Variants in USP34 observed in about 807,000 individuals in gnomAD.
USP34 encodes the protein ubiquitin specific peptidase 34, also known as ubiquitin carboxyl-terminal hydrolase 34.
Under a neutral mutation model 460.3 loss-of-function variants are expected in USP34, and 70 were observed. That is an observed-to-expected ratio of 0.15 (90% CI 0.13 to 0.19). The LOEUF is 0.19. Ranked by LOEUF, USP34 falls within the 10% of genes least tolerant of loss-of-function variation. USP34 has a pLI of 1.00. For missense variants in USP34, 3,985 were observed against 4,236.2 expected, an observed-to-expected ratio of 0.94 and a Z score of 1.65; for synonymous variants, 1,647 against 1,405.3, an observed-to-expected ratio of 1.17 and a Z score of -3.85.
chr2:61,377,574 C>T (rs1256294974), intron 8 of USP34, among the ~76,000 whole-genome samples: 2 of 152,234 alleles, frequency 1.3e-5, no homozygotes, highest in East Asian at 3.9e-4. Flanking sequence ...CCAGAGACCT[C>T]TCTACCTCTT....
At chr2:61,373,489 G>A (rs1017841628) in intron 8 of USP34, among the ~76,000 whole-genome samples, 27 of 151,224 alleles carry the variant, frequency 1.8e-4, no homozygotes, top group African/African-American at 5.3e-4. Context: ...CTTAAGAAAG[G>A]TTCAGTGGTT....
At chr2:61,444,890 T>G (rs1175918432) in intron 1 of USP34, among the ~76,000 whole-genome samples, 1 of 149,424 alleles carries the variant, frequency 6.7e-6, no homozygotes, top group Non-Finnish European at 1.5e-5. Flanking sequence ...TATCGTTTCT[T>G]TCTTGCCTAT....
intron 41 of USP34, among the ~76,000 whole-genome samples, chr2:61,269,187 G>A (rs1377473165): frequency 6.6e-6 from 1 of 152,054 alleles, no homozygotes; most frequent in Non-Finnish European, 1.5e-5. Context: ...GTTTGGAGAC[G>A]ATCTCACTCT....
Position 61,293,023 on chromosome 2 carries a change from C to G in USP34, c.4548+441G>C, listed in dbSNP as rs143103628. Among the ~76,000 whole-genome samples the G allele has an allele frequency of 6.6e-3, 1,000 of 152,092 alleles. 13 individuals are homozygous for G. The highest frequency in any genetic ancestry group is 0.01 in the Non-Finnish European group (705 of 67,978). On this transcript the variant is annotated intron_variant, in intron 33 of 79. Transcript: ENST00000398571. ...ATTTCTAGAGGCTTACTCTCAATTT[C>G]TATATCCATCTCAATGTAAGCCAGT... is the stretch of plus-strand genomic sequence containing the variant.
chr2:61,232,385 T>C (rs1687932376), intron 58 of USP34, 67 bp downstream of exon 58: 1 of 1,298,108 alleles, frequency 7.7e-7, no homozygotes. Flanking sequence ...TATAAGCAAA[T>C]TGAGAATAAT....
chr2:61,243,318 T>C (rs1470960520), intron 51 of USP34, among the ~76,000 whole-genome samples: 1 of 151,964 alleles, frequency 6.6e-6, no homozygotes, highest in Non-Finnish European at 1.5e-5. Context: ...GGCTAATTTT[T>C]ACATTTTTAG....
chr2:61,278,983 TC>T (rs1224684439), intron 39 of USP34, among the ~76,000 whole-genome samples: 4 of 152,118 alleles, frequency 2.6e-5, no homozygotes, highest in Middle Eastern at 3.2e-3. Flanking sequence ...AAAACAGACT[TC>T]ACAAAATCTA....
intron 41 of USP34, among the ~76,000 whole-genome samples, chr2:61,269,323 A>AT (rs397869885): frequency 0.078 from 10,566 of 134,900 alleles, 519 homozygotes; most frequent in Middle Eastern, 0.11. Flanking sequence ...ACCTTGGCTA[A>AT]TTTTTTTTTT....
chr2:61,253,187 C>T (rs912994443), intron 48 of USP34, among the ~76,000 whole-genome samples: 21 of 152,180 alleles, frequency 1.4e-4, no homozygotes, highest in African/African-American at 5.1e-4. Context: ...ATAGTAAGAA[C>T]AAAAATGACT....
chr2:61,236,571 G>A (rs890065041), intron 53 of USP34, among the ~76,000 whole-genome samples, 182 bp from the exon 54 acceptor site: 1 of 151,980 alleles, frequency 6.6e-6, no homozygotes, highest in African/African-American at 2.4e-5. Context: ...CTAATATTTT[G>A]TAATTATTAA....
chr2:61,407,891 G>T (rs1418006083), intron 2 of USP34, among the ~76,000 whole-genome samples: 1 of 152,100 alleles, frequency 6.6e-6, no homozygotes, highest in East Asian at 1.9e-4. Context: ...GAGGTGCATG[G>T]ATCACCTGAA....
At chr2:61,352,043 G>C (rs766552607) in intron 10 of USP34, among the ~76,000 whole-genome samples, 1 of 152,102 alleles carries the variant, frequency 6.6e-6, no homozygotes, top group East Asian at 1.9e-4. Context: ...TCAGGTTTTG[G>C]ATTTTTCCAC....
intron 1 of USP34, among the ~76,000 whole-genome samples, chr2:61,436,517 A>T (rs1184917544): frequency 6.6e-6 from 1 of 152,212 alleles, no homozygotes; most frequent in African/African-American, 2.4e-5. Flanking sequence ...AAGAATTGTA[A>T]ATACACACGC....
chr2:61,364,901 G>C (rs1471159282), intron 10 of USP34, among the ~76,000 whole-genome samples: 1 of 151,954 alleles, frequency 6.6e-6, no homozygotes, highest in South Asian at 2.1e-4. Context: ...CTGTACTCCA[G>C]CCTGGGCAAC....
intron 1 of USP34, among the ~76,000 whole-genome samples, chr2:61,441,539 G>A (rs775385070): frequency 1.3e-5 from 2 of 152,048 alleles, no homozygotes; most frequent in African/African-American, 2.4e-5. Context: ...CCTCTCTGGG[G>A]CTAGAGGTGC....
intron 10 of USP34, among the ~76,000 whole-genome samples, chr2:61,368,618 A>G (rs1281381061): frequency 6.6e-6 from 1 of 152,212 alleles, no homozygotes; most frequent in South Asian, 2.1e-4. Flanking sequence ...CAGAAAGAAG[A>G]GTTAGTAAAC....
At position 61,314,701 on chromosome 2, in the gene USP34, G is replaced by A; in HGVS notation, c.3426C>T (p.Cys1142=). ...TAGAAGCTATCATAAGACTCTCCAT[G>A]CACTTACTAATAAATTCTTGCTCCT... ...LEKEQEFISK[C]MESLMIASSS... is the part of the protein sequence containing the mutation. Residue 1142 remains cysteine (C), a synonymous_variant, in exon 25 of 80, where the codon TGC becomes TGT. Transcript: ENST00000398571. The A allele has an allele frequency of 1.3e-6, 2 of 1,594,526 alleles. No homozygotes were observed. The highest frequency in any genetic ancestry group is 1.4e-5 in the African/African-American group (1 of 73,910).
chr2:61,282,464 G>C (rs973767577), intron 37 of USP34, among the ~76,000 whole-genome samples: 1 of 152,066 alleles, frequency 6.6e-6, no homozygotes, highest in African/African-American at 2.4e-5. Context: ...TTATTTATTT[G>C]TAGTCTCTCT....
rs752423881 is a variant in USP34, at chr2:61,406,146, T to C, written c.132-18A>G. ...GACATTGCCTATAAGAGAAAAAAAATTGAATAAATTAGTAATAAAGCAGCA... is the reference window on the plus strand; with the variant it reads ...GACATTGCCTATAAGAGAAAAAAAACTGAATAAATTAGTAATAAAGCAGCA... On this transcript the variant is annotated intron_variant, in intron 2 of 79. Coordinates refer to ENST00000398571, the MANE Select transcript of USP34 (RefSeq NM_014709.4). The C allele has an allele frequency of 5.3e-6, 8 of 1,497,742 alleles. No individual in the cohort carries two copies. The highest frequency in any genetic ancestry group is 5.0e-5 in the Admixed American group (2 of 40,262). The allele number at this position is 1,497,742 out of a possible 1,614,324, so 92.8% of individuals were successfully genotyped here.
Sources: allele counts gnomAD v4.1 joint callset (sites outside exome capture counted in the v4.1 genomes callset), GRCh38; gene constraint gnomAD v4.1.1; transcripts MANE v1.5; gene names NCBI Gene and HGNC (gene_info 2026-07-23, HGNC 2026-07-21).